The following SDK1 variants were observed in gnomAD, a reference collection of about 807,000 sequenced individuals.
SDK1 encodes the protein protein sidekick-1.
Under a neutral mutation model 245.5 loss-of-function variants are expected in SDK1, and 157 were observed. The ratio of observed to expected loss-of-function variants is 0.64; its 90% confidence interval spans 0.56 to 0.73. SDK1 has a LOEUF of 0.73. SDK1 is among the 30% of genes least tolerant of loss of function. The pLI is 0.00. For missense variants in SDK1, 3,583 were observed against 3,002.3 expected (o/e 1.19, Z -4.52); for synonymous variants, 1,647 against 1,278.5 (o/e 1.29, Z -6.15).
At chr7:4,262,013 T>G (rs1788047251) in intron 44 of SDK1, among the ~76,000 whole-genome samples, 1 of 143,042 alleles carries the variant, frequency 7.0e-6, no homozygotes, top group Non-Finnish European at 1.5e-5. Flanking sequence ...ACCCTCTGCT[T>G]TCTCCTTTTT....
chr7:3,543,169 C>T (rs929393485), intron 1 of SDK1, among the ~76,000 whole-genome samples: 4 of 152,166 alleles, frequency 2.6e-5, no homozygotes, highest in East Asian at 1.9e-4. Context: ...TTGTGGAAAT[C>T]GACAAAATAA....
At chr7:3,582,412 CAGGT>C (rs1447027029) in intron 1 of SDK1, among the ~76,000 whole-genome samples, 3 of 148,268 alleles carry the variant, frequency 2.0e-5, no homozygotes, top group Admixed American at 1.3e-4. Flanking sequence ...AGGTCTCCCT[CAGGT>C]AGGTCTGTCT....
intron 5 of SDK1, among the ~76,000 whole-genome samples, chr7:3,826,862 G>A (rs182380408): frequency 2.6e-5 from 4 of 152,130 alleles, no homozygotes; most frequent in East Asian, 1.9e-4. Context: ...TCGTTTCTGC[G>A]CCCCAAATGG....
intron 5 of SDK1, among the ~76,000 whole-genome samples, chr7:3,937,441 G>A (rs1238153645): frequency 6.6e-6 from 1 of 152,192 alleles, no homozygotes; most frequent in East Asian, 1.9e-4. Flanking sequence ...GCCTGCAGAG[G>A]CGGGATCATC....
intron 14 of SDK1, among the ~76,000 whole-genome samples, chr7:4,007,322 G>A (rs1366992953): frequency 2.0e-5 from 3 of 152,144 alleles, no homozygotes; most frequent in Non-Finnish European, 4.4e-5. Context: ...CAGAAGGAGA[G>A]ATTATGTAGG....
At chr7:4,178,787 G>A (rs1782417162) in intron 35 of SDK1, among the ~76,000 whole-genome samples, 1 of 152,242 alleles carries the variant, frequency 6.6e-6, no homozygotes, top group Non-Finnish European at 1.5e-5. Flanking sequence ...CAGCTTCAGT[G>A]AATGGTCAAG....
At chr7:4,028,534 G>A (rs1787541781) in intron 17 of SDK1, among the ~76,000 whole-genome samples, 1 of 152,236 alleles carries the variant, frequency 6.6e-6, no homozygotes, top group Admixed American at 6.5e-5. Flanking sequence ...TGGGAAAAAG[G>A]TGGATATGGG....
chr7:3,622,817 G>A (rs1781984849), intron 2 of SDK1, among the ~76,000 whole-genome samples: 1 of 152,150 alleles, frequency 6.6e-6, no homozygotes. Context: ...GAATTGTTTG[G>A]GGTATTTGTG....
intron 4 of SDK1, among the ~76,000 whole-genome samples, chr7:3,696,379 G>T (rs531194563): frequency 6.6e-6 from 1 of 152,222 alleles, no homozygotes; most frequent in African/African-American, 2.4e-5. Context: ...CGTTGCATAT[G>T]TGGAGAGCAG....
intron 4 of SDK1, among the ~76,000 whole-genome samples, chr7:3,675,328 T>C (rs1435165800): frequency 6.6e-6 from 1 of 152,254 alleles, no homozygotes; most frequent in Non-Finnish European, 1.5e-5. Context: ...GATGGTCGTC[T>C]ACAGCTGGAA....
intron 1 of SDK1, among the ~76,000 whole-genome samples, chr7:3,375,624 A>T (rs918783913): frequency 1.3e-5 from 2 of 152,154 alleles, no homozygotes; most frequent in East Asian, 3.9e-4. Flanking sequence ...GGAGCTGGCT[A>T]CCTTTCGTGA....
intron 5 of SDK1, among the ~76,000 whole-genome samples, chr7:3,871,123 A>G (rs554045556): frequency 2.0e-5 from 3 of 151,308 alleles, no homozygotes; most frequent in Non-Finnish European, 2.9e-5. Flanking sequence ...ACATATGTCA[A>G]TAGATTTATA....
chr7:3,446,755 A>T (rs1780354583), intron 1 of SDK1, among the ~76,000 whole-genome samples: 2 of 152,218 alleles, frequency 1.3e-5, no homozygotes, highest in Non-Finnish European at 2.9e-5. Context: ...AATCAGTGGT[A>T]CTGCAAAGAA....
intron 1 of SDK1, among the ~76,000 whole-genome samples, chr7:3,491,553 C>G (rs555534205): frequency 6.6e-6 from 1 of 152,176 alleles, no homozygotes; most frequent in Non-Finnish European, 1.5e-5. Flanking sequence ...CCATTGTGAT[C>G]GCAGTCTTCT....
In SDK1 at chr7:3,595,496, G is replaced by C. The variant is rs17133589; in HGVS notation, c.299-23584G>C. ...CATTTTTGAAACAGAAACATAAACT[G>C]TTGCCTCCGATATATTTAATAAAAC... On this transcript the variant is annotated intron_variant, in intron 1 of 44. Coordinates refer to ENST00000404826, the MANE Select transcript of SDK1 (RefSeq NM_152744.4). Among the ~76,000 whole-genome samples, 323 of 152,084 alleles carry C rather than the reference G, an allele frequency of 2.1e-3. 4 individuals are homozygous for C. Among genetic ancestry groups the C allele is most frequent in the African/African-American group, 7.6e-3 (316 of 41,498 alleles).
intron 1 of SDK1, among the ~76,000 whole-genome samples, chr7:3,508,563 A>T (rs1782472006): frequency 6.6e-6 from 1 of 151,932 alleles, no homozygotes; most frequent in Non-Finnish European, 1.5e-5. Flanking sequence ...CCTGACCTCA[A>T]ATGATATACC....
chr7:4,087,878 A>G (rs912872227), intron 22 of SDK1, among the ~76,000 whole-genome samples: 2 of 152,168 alleles, frequency 1.3e-5, no homozygotes, highest in African/African-American at 4.8e-5. Context: ...TGTCATGAGG[A>G]TTAACTCACG....
chr7:3,916,962 T>C (rs1230852034), intron 5 of SDK1, among the ~76,000 whole-genome samples: 1 of 152,234 alleles, frequency 6.6e-6, no homozygotes, highest in Non-Finnish European at 1.5e-5. Flanking sequence ...TCATGGCAAG[T>C]GCCTGACATT....
chr7:3,400,228 T>C (rs1241177202), intron 1 of SDK1, among the ~76,000 whole-genome samples: 4 of 152,190 alleles, frequency 2.6e-5, no homozygotes, highest in Non-Finnish European at 5.9e-5. Context: ...CAAGTTAAAA[T>C]GCCATGAACC....
Sources: allele counts gnomAD v4.1 joint callset (sites outside exome capture counted in the v4.1 genomes callset), GRCh38; gene constraint gnomAD v4.1.1; transcripts MANE v1.5; gene names NCBI Gene and HGNC (gene_info 2026-07-23, HGNC 2026-07-21).